The following GNAL variants were observed in gnomAD, a reference collection of about 807,000 sequenced individuals.
GNAL encodes the protein G protein subunit alpha L, also known as guanine nucleotide-binding protein G(olf) subunit alpha.
In GNAL, 18 loss-of-function variants were observed where a neutral mutation model predicts 55.1. The ratio of observed to expected loss-of-function variants is 0.33; its 90% CI spans 0.23 to 0.48. The LOEUF (loss-of-function observed/expected upper bound fraction) is 0.48, where lower values mean the gene tolerates loss of function less well. GNAL is among the 20% of genes least tolerant of loss of function. The pLI, the probability that GNAL is intolerant of heterozygous loss-of-function variation, is 0.99. For synonymous variants in GNAL, 253 were observed against 237.0 expected (o/e 1.07, Z -0.62); for missense variants, 412 against 614.1 (o/e 0.67, Z 3.48).
intron 5 of GNAL, among the ~76,000 whole-genome samples, chr18:11,854,944 A>T (rs2035969317): frequency 6.6e-6 from 1 of 152,072 alleles, no homozygotes; most frequent in Admixed American, 6.6e-5. Context: ...TGCTGTTTTG[A>T]GACGGAGTCT....
At chr18:11,857,779 T>A in intron 5 of GNAL, 1 of 975,192 alleles carries the variant, frequency 1.0e-6, no homozygotes, top group East Asian at 1.1e-4. Context: ...TGGTACTTTG[T>A]CACCACGTGA....
chr18:11,698,255 G>A (rs1439933553), intron 1 of GNAL, among the ~76,000 whole-genome samples: 2 of 152,124 alleles, frequency 1.3e-5, no homozygotes, highest in Non-Finnish European at 2.9e-5. Flanking sequence ...CACTTTGGGA[G>A]GCCGAGGCGG....
intron 1 of GNAL, among the ~76,000 whole-genome samples, chr18:11,701,135 G>A (rs183918031): frequency 1.9e-3 from 285 of 152,272 alleles, no homozygotes; most frequent in Admixed American, 4.2e-3. Flanking sequence ...GCACGTGCTC[G>A]GAGATAAATG....
At chr18:11,690,059 A>C in intron 1 of GNAL, 120 bp downstream of exon 1, 2 of 468,512 alleles carry the variant, frequency 4.3e-6, no homozygotes, top group Non-Finnish European at 6.3e-6. Flanking sequence ...GGGCTCCTGA[A>C]TCCCGGGACT....
intron 1 of GNAL, among the ~76,000 whole-genome samples, chr18:11,702,753 C>G (rs974390175): frequency 1.3e-5 from 2 of 151,446 alleles, no homozygotes; most frequent in Non-Finnish European, 2.9e-5. Context: ...GGGAGCAGCT[C>G]TTGCCCCAGT....
In GNAL at chr18:11,884,605, T is replaced by A. The variant is rs1388582504; in HGVS notation, c.*3470T>A. 1 of 1,613,674 alleles carries A rather than the reference T, an allele frequency of 6.2e-7. No individual in the cohort carries two copies. Among genetic ancestry groups the A allele is most frequent in the South Asian group, 1.1e-5 (1 of 91,080 alleles). On this transcript the variant is annotated 3_prime_UTR_variant, in exon 12 of 12. Transcript: ENST00000334049. ...TGGGAGGTAGCACTTGGAGAGGGTG[T>A]AGTCTGTGGGCGTGATGCTACCCTG...
chr18:11,820,865 C>A (rs2035072504), intron 4 of GNAL, among the ~76,000 whole-genome samples: 1 of 152,198 alleles, frequency 6.6e-6, no homozygotes, highest in African/African-American at 2.4e-5. Context: ...TCTAAATCAC[C>A]TACTTAAAAA....
intron 4 of GNAL, among the ~76,000 whole-genome samples, chr18:11,803,766 A>G (rs980090530): frequency 2.0e-4 from 30 of 151,004 alleles, no homozygotes; most frequent in African/African-American, 6.9e-4. Flanking sequence ...GTACAGGTGC[A>G]GTTTGGATGG....
chr18:11,880,873 C>A, intron 11 of GNAL, 116 bp from the exon 12 acceptor site: 1 of 1,084,872 alleles, frequency 9.2e-7, no homozygotes, highest in Non-Finnish European at 1.3e-6. Flanking sequence ...TGCTCCCATG[C>A]AAAACAAGCA....
At chr18:11,828,336 G>A (rs1250127614) in intron 5 of GNAL, among the ~76,000 whole-genome samples, 2 of 151,090 alleles carry the variant, frequency 1.3e-5, no homozygotes, top group African/African-American at 4.9e-5. Context: ...CCCAGGAGTT[G>A]GAGGCTGCCG....
chr18:11,761,989 T>C (rs1202661328), intron 4 of GNAL, among the ~76,000 whole-genome samples: 2 of 152,204 alleles, frequency 1.3e-5, no homozygotes, highest in Non-Finnish European at 2.9e-5. Flanking sequence ...CCGTATTGAT[T>C]CTATAGGGCC....
chr18:11,739,877 G>A (rs2032539405), intron 1 of GNAL, among the ~76,000 whole-genome samples: 3 of 150,084 alleles, frequency 2.0e-5, no homozygotes, highest in South Asian at 4.2e-4. Context: ...CCACTAATAA[G>A]CACCCTATGG....
intron 4 of GNAL, among the ~76,000 whole-genome samples, chr18:11,757,879 C>T (rs1338902566): frequency 6.6e-6 from 1 of 151,866 alleles, no homozygotes; most frequent in African/African-American, 2.4e-5. Context: ...TTCAAGGTCA[C>T]CGGTGACCTT....
intron 4 of GNAL, among the ~76,000 whole-genome samples, chr18:11,788,936 T>TATATATATATATATATATATATAC (rs1219351502): frequency 7.8e-6 from 1 of 128,914 alleles, no homozygotes; most frequent in African/African-American, 3.2e-5. Flanking sequence ...TATATATATA[T>TATATATATATATATATATATATAC]ACACATATAT....
intron 4 of GNAL, among the ~76,000 whole-genome samples, chr18:11,769,154 A>G (rs1241058077): frequency 1.6e-5 from 2 of 124,036 alleles, no homozygotes; most frequent in Non-Finnish European, 3.2e-5. Flanking sequence ...TAGATTATAT[A>G]AATTATATGT....
intron 11 of GNAL, among the ~76,000 whole-genome samples, chr18:11,877,177 G>C (rs1455749705): frequency 6.6e-6 from 1 of 152,204 alleles, no homozygotes; most frequent in Non-Finnish European, 1.5e-5. Flanking sequence ...ACTCAGGCCG[G>C]GTGCGGTGGC....
At chr18:11,821,191 C>A (rs2035080697) in intron 4 of GNAL, among the ~76,000 whole-genome samples, 1 of 152,210 alleles carries the variant, frequency 6.6e-6, no homozygotes, top group African/African-American at 2.4e-5. Context: ...GTTGCTTTAA[C>A]AAGGTACCCT....
chr18:11,724,404 G>GGCTA (rs1555643370), intron 1 of GNAL, among the ~76,000 whole-genome samples: 4 of 152,152 alleles, frequency 2.6e-5, no homozygotes, highest in Non-Finnish European at 4.4e-5. Flanking sequence ...TAGTTCTGCC[G>GGCTA]GCTAAAAGGA....
intron 4 of GNAL, among the ~76,000 whole-genome samples, chr18:11,788,536 C>T (rs1240477490): frequency 2.0e-5 from 3 of 152,074 alleles, no homozygotes; most frequent in Admixed American, 1.3e-4. Flanking sequence ...CAATTCAGAA[C>T]AAATCTTGAT....
Sources: gnomAD v4.1 joint callset for allele counts (sites outside exome capture counted in the v4.1 genomes callset) on GRCh38, gnomAD v4.1.1 for gene constraint, MANE v1.5 for transcripts, NCBI Gene and HGNC (gene_info 2026-07-23, HGNC 2026-07-21) for gene names.